The following ULK4 variants were observed in gnomAD, a reference collection of about 807,000 sequenced individuals.
The protein encoded by ULK4 is unc-51 like kinase 4.
In ULK4, 133 loss-of-function variants were observed where a neutral mutation model predicts 160.6. The ratio of observed to expected loss-of-function variants is 0.83; its 90% CI spans 0.72 to 0.96. ULK4 has a LOEUF of 0.96. ULK4 is among the 40% of genes least tolerant of loss of function. The pLI is 0.00. For missense variants in ULK4, 1,580 were observed against 1,499.5 expected, an observed-to-expected ratio of 1.05 and a Z score of -0.89; for synonymous variants, 534 against 539.8, an observed-to-expected ratio of 0.99 and a Z score of 0.15.
At chr3:41,353,732 C>T (rs1346508492) in intron 35 of ULK4, among the ~76,000 whole-genome samples, 2 of 149,134 alleles carry the variant, frequency 1.3e-5, no homozygotes, top group Admixed American at 6.7e-5. Flanking sequence ...ACTACTACTA[C>T]TACTACTACT....
chr3:41,781,171 T>C (rs1172554471), intron 21 of ULK4, among the ~76,000 whole-genome samples: 2 of 152,152 alleles, frequency 1.3e-5, no homozygotes, highest in South Asian at 2.1e-4. Flanking sequence ...AACAGATATC[T>C]GATTGAAACA....
intron 22 of ULK4, among the ~76,000 whole-genome samples, chr3:41,744,994 TAA>T (rs2038369995): frequency 6.6e-6 from 1 of 151,622 alleles, no homozygotes; most frequent in South Asian, 2.1e-4. Context: ...CAAAGGAAAT[TAA>T]AAAGATACAT....
chr3:41,748,457 G>A (rs2038498122), intron 22 of ULK4, among the ~76,000 whole-genome samples: 1 of 152,050 alleles, frequency 6.6e-6, no homozygotes, highest in Non-Finnish European at 1.5e-5. Flanking sequence ...CCATAATACT[G>A]TGCTTTAAAA....
At chr3:41,795,994 A>G (rs1288141715) in intron 20 of ULK4, among the ~76,000 whole-genome samples, 1 of 152,142 alleles carries the variant, frequency 6.6e-6, no homozygotes, top group Non-Finnish European at 1.5e-5. Flanking sequence ...ATCAAAGAGG[A>G]TGTCTAGCCC....
At chr3:41,304,302 C>T (rs970283919) in intron 35 of ULK4, among the ~76,000 whole-genome samples, 9 of 138,164 alleles carry the variant, frequency 6.5e-5, no homozygotes, top group African/African-American at 2.1e-4. Context: ...AGACAACATT[C>T]GAAGACTGGA....
At chr3:41,283,718 A>C (rs1014802105) in intron 35 of ULK4, among the ~76,000 whole-genome samples, 3 of 152,074 alleles carry the variant, frequency 2.0e-5, no homozygotes, top group Admixed American at 2.0e-4. Flanking sequence ...GGGTGCAGCA[A>C]ATCAACATGG....
chr3:41,374,061 C>A (rs1442766697), intron 35 of ULK4, among the ~76,000 whole-genome samples: 2 of 152,122 alleles, frequency 1.3e-5, no homozygotes, highest in East Asian at 3.9e-4. Flanking sequence ...TTCCTGGACA[C>A]ATACACCCTC....
chr3:41,693,256 G>A (rs1440871551), intron 27 of ULK4, among the ~76,000 whole-genome samples: 1 of 152,140 alleles, frequency 6.6e-6, no homozygotes, highest in Non-Finnish European at 1.5e-5. Context: ...GCCTATATAA[G>A]GGATTCTGGC....
chr3:41,690,541 T>A (rs2036261300), intron 27 of ULK4, among the ~76,000 whole-genome samples: 1 of 151,784 alleles, frequency 6.6e-6, no homozygotes, highest in Non-Finnish European at 1.5e-5. Flanking sequence ...GCTGCCTAAC[T>A]TTTTGGCTTC....
chr3:41,615,730 A>C lies in ULK4; in HGVS notation c.3072-13T>G. 1 of 1,610,770 alleles carries C rather than the reference A, an allele frequency of 6.2e-7. No homozygotes were observed. The highest frequency in any genetic ancestry group is 8.5e-7 in the Non-Finnish European group (1 of 1,178,124). Reference sequence around the variant, plus strand: ...TTCTTCCACAAGTCTGTTAAAAACAAGAAAAAAAGATAAGTGCACATTAGA... The same window carrying C: ...TTCTTCCACAAGTCTGTTAAAAACACGAAAAAAAGATAAGTGCACATTAGA... On this transcript the variant is annotated splice_polypyrimidine_tract_variant and intron_variant, in intron 30 of 36. Transcript: ENST00000301831.
Position 41,411,420 on chromosome 3 carries a change from CTTT to C in ULK4, c.3493-13159_3493-13157del, listed in dbSNP as rs556696303. Among the ~76,000 whole-genome samples the C allele has an allele frequency of 3.5e-5, 5 of 143,062 alleles. 1 individual carries two copies. The highest frequency in any genetic ancestry group is 3.7e-3 in the Middle Eastern group (1 of 268). The allele number at this position is 143,062 out of a possible 152,430, so 93.9% of individuals were successfully genotyped here. A position where few individuals can be genotyped will look rare whatever the true frequency, so the allele number is the denominator to read the frequency against. On this transcript the variant is annotated intron_variant, in intron 34 of 36. Transcript: ENST00000301831. ...CTTATCATAATCCAGACATTCCTTT[CTTT>C]TTTTTTTTTTTATTTTTATTTTGAG...
At chr3:41,435,989 A>T (rs1189092014) in intron 34 of ULK4, among the ~76,000 whole-genome samples, 1 of 151,080 alleles carries the variant, frequency 6.6e-6, no homozygotes, top group Non-Finnish European at 1.5e-5. Flanking sequence ...AATAAAGCAT[A>T]CAGACAGTCC....
At chr3:41,755,793 T>G (rs1328619562) in intron 21 of ULK4, among the ~76,000 whole-genome samples, 1 of 152,214 alleles carries the variant, frequency 6.6e-6, no homozygotes, top group African/African-American at 2.4e-5. Flanking sequence ...TCGGGAGAAC[T>G]GGCAAAATCT....
intron 16 of ULK4, among the ~76,000 whole-genome samples, chr3:41,893,065 T>C (rs1468580531): frequency 1.3e-5 from 2 of 152,146 alleles, no homozygotes; most frequent in Non-Finnish European, 2.9e-5. Flanking sequence ...GATATTTCAG[T>C]AGCAATATGA....
chr3:41,424,199 T>G (rs1162556194), intron 34 of ULK4, among the ~76,000 whole-genome samples: 1 of 152,056 alleles, frequency 6.6e-6, no homozygotes, highest in East Asian at 1.9e-4. Flanking sequence ...CTATCCTTCC[T>G]CACTGGGCAG....
At chr3:41,458,441 T>C (rs184887882) in intron 33 of ULK4, among the ~76,000 whole-genome samples, 178 of 152,256 alleles carry the variant, frequency 1.2e-3, no homozygotes, top group Admixed American at 3.9e-3. Context: ...GCTGGAGATA[T>C]AAGACAGGAA....
chr3:41,571,503 A>G (rs1315635472), intron 31 of ULK4, among the ~76,000 whole-genome samples: 2 of 152,214 alleles, frequency 1.3e-5, no homozygotes, highest in Non-Finnish European at 2.9e-5. Context: ...ATTGAAAAAC[A>G]TTACATTTGC....
intron 32 of ULK4, among the ~76,000 whole-genome samples, chr3:41,527,784 G>T (rs1003554484): frequency 2.6e-5 from 4 of 152,090 alleles, no homozygotes; most frequent in Non-Finnish European, 5.9e-5. Flanking sequence ...TTCCAACCTG[G>T]ATAATCACAC....
At chr3:41,495,345 C>A (rs558141290) in intron 32 of ULK4, among the ~76,000 whole-genome samples, 1 of 151,734 alleles carries the variant, frequency 6.6e-6, no homozygotes, top group African/African-American at 2.4e-5. Flanking sequence ...CCCTATTTAA[C>A]AAATGGTGCT....
Sources: allele counts gnomAD v4.1 joint callset (sites outside exome capture counted in the v4.1 genomes callset), GRCh38; gene constraint gnomAD v4.1.1; transcripts MANE v1.5; gene names NCBI Gene and HGNC (gene_info 2026-07-23, HGNC 2026-07-21).